The following DMD variants were observed in gnomAD, a reference collection of about 807,000 sequenced individuals.
DMD encodes mutant dystrophin.
A neutral mutation model predicts 330.1 loss-of-function variants in DMD; 63 were observed. The observed-to-expected ratio is 0.19, with a 90% confidence interval of 0.16 to 0.24. DMD has a LOEUF of 0.24. DMD is among the 10% of genes least tolerant of loss of function. The pLI, the probability that DMD is intolerant of heterozygous loss-of-function variation, is 1.00. For missense variants in DMD, 3,344 were observed against 2,684.1 expected, an observed-to-expected ratio of 1.25 and a Z score of -5.43; for synonymous variants, 1,223 against 959.8, an observed-to-expected ratio of 1.27 and a Z score of -5.07.
Position 32,777,920 on chromosome X carries a change from T to C in DMD, c.649+31573A>G, listed in dbSNP as rs138400596. Among the ~76,000 whole-genome samples, 806 of 112,365 alleles carry C rather than the reference T, an allele frequency of 7.2e-3. 4 individuals carry two copies. Among genetic ancestry groups the C allele is most frequent in the East Asian group, 0.026 (91 of 3,551 alleles). On this transcript the variant is annotated intron_variant, in intron 7 of 78. Coordinates refer to ENST00000357033, the MANE Select transcript of DMD (RefSeq NM_004006.3). ...CAGTGTGCGCACGTCCATGTGTGCA[T>C]GCACATAATTATATACCCATGCACA...
chrX:32,830,296 G>GT (rs202164779), intron 4 of DMD, among the ~76,000 whole-genome samples: 177 of 108,509 alleles, frequency 1.6e-3, no homozygotes, highest in African/African-American at 5.1e-3. Context: ...TCTCTTTTAT[G>GT]TTTTTTTTTC....
At chrX:31,238,583 T>C (rs1033716498) in intron 63 of DMD, among the ~76,000 whole-genome samples, 3 of 111,801 alleles carry the variant, frequency 2.7e-5, no homozygotes, top group African/African-American at 9.8e-5. Flanking sequence ...AGTTCTGTAT[T>C]ATCAGCTTTG....
At chrX:32,262,100 G>A (rs1259993598) in intron 43 of DMD, among the ~76,000 whole-genome samples, 1 of 111,572 alleles carries the variant, frequency 9.0e-6, no homozygotes, top group African/African-American at 3.3e-5. Context: ...AAACATGATA[G>A]TATCTTTAAA....
chrX:32,383,258 A>G (rs1230278113), intron 33 of DMD, among the ~76,000 whole-genome samples: 4 of 110,985 alleles, frequency 3.6e-5, no homozygotes, highest in African/African-American at 1.3e-4. Context: ...ACACTTGCAG[A>G]AATCAATTTA....
intron 55 of DMD, among the ~76,000 whole-genome samples, chrX:31,610,499 A>G (rs1226881223): frequency 8.9e-6 from 1 of 112,219 alleles, no homozygotes; most frequent in Non-Finnish European, 1.9e-5. Flanking sequence ...GACAGAATCT[A>G]TTTCAATACA....
At chrX:32,754,066 T>C (rs67726258) in intron 7 of DMD, among the ~76,000 whole-genome samples, 19,563 of 110,962 alleles carry the variant, frequency 0.18, 3,314 homozygotes, top group African/African-American at 0.54. Context: ...ATGTAAGGTA[T>C]TGATCAATTA....
intron 7 of DMD, among the ~76,000 whole-genome samples, chrX:32,712,360 T>C (rs1376325533): frequency 9.0e-6 from 1 of 111,618 alleles, no homozygotes; most frequent in African/African-American, 3.2e-5. Context: ...TGAACATCCT[T>C]ACACATTTGT....
chrX:32,248,263 C>A (rs1426922848), intron 43 of DMD, among the ~76,000 whole-genome samples: 2 of 111,212 alleles, frequency 1.8e-5, no homozygotes, highest in Non-Finnish European at 3.8e-5. Flanking sequence ...AATGAAAATG[C>A]CGTTCTTAAA....
At chrX:32,791,261 C>T (rs1244755611) in intron 7 of DMD, among the ~76,000 whole-genome samples, 2 of 112,028 alleles carry the variant, frequency 1.8e-5, no homozygotes. Context: ...TGCTTGCTGC[C>T]CCTGGGCTGG....
chrX:31,944,186 G>C (rs974843789), intron 45 of DMD, among the ~76,000 whole-genome samples: 2 of 109,370 alleles, frequency 1.8e-5, no homozygotes, highest in Admixed American at 2.0e-4. Context: ...AATTATTTTC[G>C]TAATAATACT....
chrX:32,129,720 A>AGAGGGAGG (rs1412810903), intron 44 of DMD, among the ~76,000 whole-genome samples: 1 of 77,993 alleles, frequency 1.3e-5, no homozygotes, highest in African/African-American at 4.6e-5. Context: ...AGAGAGAGAG[A>AGAGGGAGG]GAGGGAGGGA....
At chrX:31,485,048 A>G (rs2068684798) in intron 57 of DMD, among the ~76,000 whole-genome samples, 1 of 112,501 alleles carries the variant, frequency 8.9e-6, no homozygotes, top group African/African-American at 3.2e-5. Context: ...AGTGAGTGAT[A>G]ACAAAACATA....
intron 7 of DMD, among the ~76,000 whole-genome samples, chrX:32,739,443 T>A (rs754023050): frequency 8.9e-6 from 1 of 111,907 alleles, no homozygotes; most frequent in Non-Finnish European, 1.9e-5. Flanking sequence ...AAGTGTAAGA[T>A]TACCATAATA....
intron 47 of DMD, among the ~76,000 whole-genome samples, chrX:31,917,632 A>G (rs112335263): frequency 2.1e-3 from 237 of 112,788 alleles, no homozygotes; most frequent in African/African-American, 6.9e-3. Flanking sequence ...CTCACTGAGC[A>G]CTTCTGTAGA....
At chrX:32,524,313 A>ACCCAGCCTGG (rs1174417819) in intron 17 of DMD, among the ~76,000 whole-genome samples, 1 of 111,971 alleles carries the variant, frequency 8.9e-6, no homozygotes, top group African/African-American at 3.3e-5. Context: ...TAAAACGGTC[A>ACCCAGCCTGG]AATGTCTCCT....
intron 41 of DMD, among the ~76,000 whole-genome samples, chrX:32,310,557 G>T (rs867638509): frequency 9.9e-5 from 11 of 111,377 alleles, no homozygotes; most frequent in African/African-American, 3.6e-4. Flanking sequence ...AAGGAGAGTA[G>T]TTTTATCCTA....
In DMD at chrX:31,754,326, G is replaced by A. The variant is rs182943567; in HGVS notation, c.7542+19634C>T. On this transcript the variant is annotated intron_variant, in intron 51 of 78. Transcript: ENST00000357033. ...AGACAACCAGGCAGCACAAACTCAA[G>A]AGTCCGCTTGTAATTGCTTTTGAAT... Among the ~76,000 whole-genome samples, 392 of 111,307 alleles carry A rather than the reference G, an allele frequency of 3.5e-3. 4 individuals are homozygous for A. Among genetic ancestry groups the A allele is most frequent in the African/African-American group, 0.012 (374 of 30,716 alleles).
chrX:32,894,237 C>A (rs2085484268), intron 2 of DMD, among the ~76,000 whole-genome samples: 1 of 111,943 alleles, frequency 8.9e-6, no homozygotes, highest in Non-Finnish European at 1.9e-5. Flanking sequence ...TGTACTGAAC[C>A]CCTATAACCC....
At chrX:31,485,448 G>A (rs185989588) in intron 57 of DMD, among the ~76,000 whole-genome samples, 10 of 111,419 alleles carry the variant, frequency 9.0e-5, no homozygotes, top group African/African-American at 3.3e-4. Context: ...CGTTTGCCTC[G>A]GCCTCGCAAA....
Sources: allele counts gnomAD v4.1 joint callset (sites outside exome capture counted in the v4.1 genomes callset), GRCh38; gene constraint gnomAD v4.1.1; transcripts MANE v1.5; gene names NCBI Gene and HGNC (gene_info 2026-07-23, HGNC 2026-07-21).